Variants in SH3BP5 observed in about 807,000 individuals in gnomAD.
SH3BP5 encodes the protein SH3 domain binding protein 5.
In SH3BP5, 22 loss-of-function variants were observed where a neutral mutation model predicts 43.3. The observed-to-expected ratio is 0.51, with a 90% CI of 0.36 to 0.73. The LOEUF (loss-of-function observed/expected upper bound fraction) is 0.73. SH3BP5 is among the 30% of genes least tolerant of loss of function. SH3BP5 has a pLI of 0.00. For missense variants in SH3BP5, 529 were observed against 586.9 expected, an observed-to-expected ratio of 0.90 and a Z score of 1.02; for synonymous variants, 255 against 225.8, an observed-to-expected ratio of 1.13 and a Z score of -1.16.
intron 2 of SH3BP5, among the ~76,000 whole-genome samples, chr3:15,323,108 G>A (rs772540427): frequency 4.7e-5 from 7 of 147,882 alleles, no homozygotes; most frequent in South Asian, 2.1e-4. Flanking sequence ...ATTGCACTCC[G>A]GTTTTTGAGA....
chr3:15,304,825 A>AC (rs925459023), intron 2 of SH3BP5, among the ~76,000 whole-genome samples: 2 of 151,152 alleles, frequency 1.3e-5, no homozygotes, highest in African/African-American at 2.4e-5. Context: ...AAAAAAAAAA[A>AC]AAAAAAAAGC....
At chr3:15,316,689 T>A (rs567763350) in intron 2 of SH3BP5, among the ~76,000 whole-genome samples, 8 of 151,738 alleles carry the variant, frequency 5.3e-5, no homozygotes, top group South Asian at 4.2e-4. Flanking sequence ...CGAATTTTTT[T>A]ATGATATGAT....
chr3:15,285,004 G>A (rs560121642), intron 3 of SH3BP5, among the ~76,000 whole-genome samples: 1 of 152,280 alleles, frequency 6.6e-6, no homozygotes, highest in African/African-American at 2.4e-5. Flanking sequence ...ATAGTACATA[G>A]GATTTCTAGG....
At chr3:15,270,648 C>T (rs1696770864) in intron 3 of SH3BP5, among the ~76,000 whole-genome samples, 1 of 152,034 alleles carries the variant, frequency 6.6e-6, no homozygotes, top group African/African-American at 2.4e-5. Flanking sequence ...GTGATTAATC[C>T]CAGCCAGGTG....
intron 3 of SH3BP5, among the ~76,000 whole-genome samples, chr3:15,290,121 G>A (rs1404799635): frequency 2.0e-5 from 3 of 152,106 alleles, no homozygotes; most frequent in Non-Finnish European, 4.4e-5. Context: ...ACTTCCTCAG[G>A]CCGGGCACGG....
intron 2 of SH3BP5, among the ~76,000 whole-genome samples, chr3:15,309,493 C>T (rs1351073794): frequency 3.3e-5 from 5 of 152,184 alleles, no homozygotes; most frequent in African/African-American, 1.2e-4. Context: ...AGGGATCCTC[C>T]TGCCCTTTCC....
At chr3:15,301,157 G>A (rs904973589) in intron 3 of SH3BP5, among the ~76,000 whole-genome samples, 15 of 152,136 alleles carry the variant, frequency 9.9e-5, no homozygotes, top group Non-Finnish European at 1.8e-4. Flanking sequence ...ACAGCCAGCT[G>A]GGGACCCAAC....
intron 2 of SH3BP5, among the ~76,000 whole-genome samples, chr3:15,304,867 G>A (rs1308021944): frequency 6.8e-6 from 1 of 146,852 alleles, no homozygotes; most frequent in Non-Finnish European, 1.5e-5. Flanking sequence ...AAGTTTCTGA[G>A]CACCTACTGT....
intron 2 of SH3BP5, among the ~76,000 whole-genome samples, chr3:15,323,931 C>G (rs1283510299): frequency 1.3e-5 from 2 of 152,200 alleles, no homozygotes; most frequent in Non-Finnish European, 2.9e-5. Context: ...TCACCTACTT[C>G]CCCAAAGGGA....
At chr3:15,318,530 C>CAA (rs59276192) in intron 2 of SH3BP5, among the ~76,000 whole-genome samples, 2,088 of 105,058 alleles carry the variant, frequency 0.02, 29 homozygotes, top group Middle Eastern at 0.058. Flanking sequence ...CTGTCAGCTC[C>CAA]AAAAAAAAAA....
In SH3BP5 at chr3:15,259,788, G is replaced by C. The variant is rs1211528941; in HGVS notation, c.642C>G (p.Leu214=). The C allele has an allele frequency of 6.2e-7, 1 of 1,613,994 alleles. No individual in the cohort carries two copies. The highest frequency in any genetic ancestry group is 8.5e-7 in the Non-Finnish European group (1 of 1,179,986). The change falls in exon 6 of 9, where the codon CTC becomes CTG. Residue 214 remains leucine, a synonymous_variant. Transcript: ENST00000383791. ...AINKSKPYFE[L]KAKYYVQLEQ... ...CGAGCTGCACATAGTACTTTGCCTTGAGTTCAAAATAAGGCCTGCAGAAGA... is the reference window on the plus strand; with the variant it reads ...CGAGCTGCACATAGTACTTTGCCTTCAGTTCAAAATAAGGCCTGCAGAAGA...
intron 2 of SH3BP5, among the ~76,000 whole-genome samples, chr3:15,308,990 C>G (rs1054235640): frequency 6.6e-5 from 10 of 152,226 alleles, no homozygotes; most frequent in African/African-American, 2.4e-4. Context: ...GTGAATAGCA[C>G]TTACCTAGCT....
At chr3:15,340,580 G>A (rs1260812412) in intron 1 of SH3BP5, among the ~76,000 whole-genome samples, 4 of 151,826 alleles carry the variant, frequency 2.6e-5, no homozygotes, top group Non-Finnish European at 5.9e-5. Flanking sequence ...GCGAAACCCC[G>A]TCTCTACTAA....
intron 2 of SH3BP5, among the ~76,000 whole-genome samples, chr3:15,307,274 G>C (rs569642090): frequency 6.6e-6 from 1 of 152,244 alleles, no homozygotes; most frequent in East Asian, 1.9e-4. Flanking sequence ...ATCCGCTGCA[G>C]CTTCTACAGG....
chr3:15,324,502 G>A (rs142439105), intron 2 of SH3BP5, among the ~76,000 whole-genome samples: 19 of 152,356 alleles, frequency 1.2e-4, no homozygotes, highest in African/African-American at 3.8e-4. Flanking sequence ...AAGGTCAGGG[G>A]TGTAGGGGCT....
intron 4 of SH3BP5, among the ~76,000 whole-genome samples, chr3:15,264,731 A>C (rs1305334417): frequency 6.6e-6 from 1 of 152,202 alleles, no homozygotes; most frequent in Non-Finnish European, 1.5e-5. Flanking sequence ...TTTCACAAGG[A>C]AACAAAATGC....
At chr3:15,280,250 G>A (rs1697084253) in intron 3 of SH3BP5, among the ~76,000 whole-genome samples, 1 of 152,114 alleles carries the variant, frequency 6.6e-6, no homozygotes, top group African/African-American at 2.4e-5. Context: ...CCAGAAGGGT[G>A]CGCCCACATT....
intron 2 of SH3BP5, among the ~76,000 whole-genome samples, chr3:15,309,392 G>C (rs1697993448): frequency 6.6e-6 from 1 of 152,114 alleles, no homozygotes; most frequent in African/African-American, 2.4e-5. Context: ...CTTCTTAAGA[G>C]ACAGAGTCTT....
chr3:15,294,336 C>T (rs895976876), intron 3 of SH3BP5, among the ~76,000 whole-genome samples: 37 of 145,934 alleles, frequency 2.5e-4, no homozygotes, highest in Non-Finnish European at 4.5e-4. Context: ...TGTGTGCGCG[C>T]GCATGTTTAC....
Sources: allele counts gnomAD v4.1 joint callset (sites outside exome capture counted in the v4.1 genomes callset), GRCh38; gene constraint gnomAD v4.1.1; transcripts MANE v1.5; gene names NCBI Gene and HGNC (gene_info 2026-07-23, HGNC 2026-07-21).